SRCIN1: variants seen among roughly 807,000 people sequenced by gnomAD.
SRCIN1 encodes the protein P130Cas-associated protein.
SRCIN1 carries 50 observed loss-of-function variants against 116.2 expected under a neutral mutation model. That is an observed-to-expected ratio of 0.43 (90% CI 0.34 to 0.54). SRCIN1 has a LOEUF of 0.54. SRCIN1 is among the 20% of genes least tolerant of loss of function. SRCIN1 has a pLI of 0.02. For synonymous variants in SRCIN1, 736 were observed against 750.0 expected (o/e 0.98, Z 0.30); for missense variants, 1,446 against 1,672.0 (o/e 0.86, Z 2.36).
chr17:38,535,808 T>C (rs988656102), intron 18 of SRCIN1, among the ~76,000 whole-genome samples: 4 of 152,170 alleles, frequency 2.6e-5, no homozygotes, highest in African/African-American at 9.7e-5. Flanking sequence ...CACTGCCCAG[T>C]TCCCCCTGAT....
At position 38,563,716 on chromosome 17, in the gene SRCIN1, T is replaced by G; in HGVS notation, c.542-195A>C. ...GGCGCCAGGCCGGCTCTCCAGCCTC[T>G]CAAGGCACCCACTGGACTCCAGGCA... On this transcript the variant is annotated intron_variant, in intron 4 of 18. Coordinates refer to ENST00000617146, the MANE Select transcript of SRCIN1 (RefSeq NM_025248.3). The surrounding 1 kb of genome is among the most constrained non-coding windows in gnomAD (Gnocchi z 5.8). The G allele has an allele frequency of 2.6e-6, 2 of 775,190 alleles. No homozygotes were observed. The highest frequency in any genetic ancestry group is 1.5e-5 in the South Asian group (1 of 67,954). 48.0% of individuals were successfully genotyped at this position (775,190 alleles called of 1,614,324 possible).
chr17:38,560,946 C>T (rs180868628), intron 7 of SRCIN1, among the ~76,000 whole-genome samples: 16 of 152,360 alleles, frequency 1.1e-4, no homozygotes, highest in Admixed American at 3.3e-4. Context: ...CTGGTTACCT[C>T]CTCCAGCCCT....
In SRCIN1 at chr17:38,583,646, G is replaced by A. The variant is rs1168216395; in HGVS notation, c.23-4855C>T. 1.8e-4 allele frequency among the ~76,000 whole-genome samples: 26 copies of A among 142,048 alleles called. 1 individual carries two copies. The Admixed American group carries it at 1.9e-3, about 11-fold the overall frequency. 93.2% of individuals were successfully genotyped at this position (142,048 alleles called of 152,430 possible). A position where few individuals can be genotyped will look rare whatever the true frequency, so the allele number is the denominator to read the frequency against. ...CGGCTCACTGCAACCTCTGCCACCC[G>A]GGCTCAAGCAATTCTCCTGCTTCAG... On this transcript the variant is annotated intron_variant, in intron 1 of 18. Coordinates refer to ENST00000617146, the MANE Select transcript of SRCIN1 (RefSeq NM_025248.3).
Position 38,558,232 on chromosome 17 carries a change from C to G in SRCIN1, c.2196G>C (p.Gln732His). The change falls in exon 11 of 19, where the codon CAG (glutamine) becomes CAC (histidine). Residue 732 changes from glutamine to histidine, a missense_variant. By Grantham distance (24) the Gln-to-His change is conservative (BLOSUM62 0). Around this residue, in one of 5 missense-constraint regions of SRCIN1, gnomAD observed 531 missense variants for 633.9 expected, o/e 0.84. Transcript: ENST00000617146. This position sits in a 1 kb window ranked among gnomAD's most constrained non-coding sequence, Gnocchi z 4.6. The part of the protein sequence containing the change: ...YLNDEELITQ[Q>H]LNDLEKSVEK... ...CGCCGCGGGCCCAGCCTCACTTGAG[C>G]TGCTGGGTAATAAGCTCCTCGTCGT... is the stretch of plus-strand genomic sequence containing the variant. The G allele has an allele frequency of 6.2e-7, 1 of 1,612,128 alleles. No individual in the cohort carries two copies. The highest frequency in any genetic ancestry group is 8.5e-7 in the Non-Finnish European group (1 of 1,178,926).
Position 38,602,975 on chromosome 17 carries a change from AAG to A in SRCIN1, c.22+2707_22+2708del, listed in dbSNP as rs1035555044. Reference sequence around the variant, plus strand: ...GGGGCTCAACAAACTGGGTACTTCAAAGAGCCCAGCCGCCTCCCTCCTAAGCA... The same window carrying A: ...GGGGCTCAACAAACTGGGTACTTCAAAGCCCAGCCGCCTCCCTCCTAAGCA... On this transcript the variant is annotated intron_variant, in intron 1 of 18. Coordinates refer to ENST00000617146, the MANE Select transcript of SRCIN1 (RefSeq NM_025248.3). This position sits in a 1 kb window ranked among gnomAD's most constrained non-coding sequence, Gnocchi z 4.2. 5.9e-5 allele frequency among the ~76,000 whole-genome samples: 9 copies of A among 151,932 alleles called. No individual in the cohort carries two copies. The highest frequency in any genetic ancestry group is 2.2e-4 in the African/African-American group (9 of 41,346).
chr17:38,591,634 A>T (rs879609605), intron 1 of SRCIN1, among the ~76,000 whole-genome samples: 2 of 152,292 alleles, frequency 1.3e-5, no homozygotes, highest in Non-Finnish European at 2.9e-5. Context: ...GGGCCAGAAC[A>T]TACCTTCCTT....
chr17:38,568,329 G>T lies in SRCIN1; in HGVS notation c.325-98C>A. The stretch of plus-strand genomic sequence containing the variant: ...AGAGACCCTTGGAACTCAGCACTCA[G>T]CCCTAGGACAAGGGCCCTCCACCCT... On this transcript the variant is annotated intron_variant, in intron 2 of 18. Coordinates refer to ENST00000617146, the MANE Select transcript of SRCIN1 (RefSeq NM_025248.3). The surrounding 1 kb of genome is among the most constrained non-coding windows in gnomAD (Gnocchi z 4.5). The T allele has an allele frequency of 7.9e-7, 1 of 1,262,664 alleles. No individual in the cohort carries two copies. Among genetic ancestry groups the T allele is most frequent in the Non-Finnish European group, 1.1e-6 (1 of 880,516 alleles). The allele number at this position is 1,262,664 out of a possible 1,614,324, so 78.2% of individuals were successfully genotyped here.
At chr17:38,586,431 C>T (rs916444933) in intron 1 of SRCIN1, among the ~76,000 whole-genome samples, 1 of 152,232 alleles carries the variant, frequency 6.6e-6, no homozygotes, top group African/African-American at 2.4e-5. Flanking sequence ...TATAAAGCCA[C>T]CATGGAGAAG....
chr17:38,548,117 G>A (rs957765359), intron 17 of SRCIN1, among the ~76,000 whole-genome samples: 2 of 152,176 alleles, frequency 1.3e-5, no homozygotes, highest in African/African-American at 2.4e-5. Flanking sequence ...GAACGCTTGA[G>A]TGTGGTGACT....
At position 38,585,462 on chromosome 17, in the gene SRCIN1, G is replaced by A. The variant is rs1384321729; in HGVS notation, c.23-6671C>T. Among the ~76,000 whole-genome samples the A allele has an allele frequency of 6.6e-6, 1 of 152,182 alleles. No homozygotes were observed. The highest frequency in any genetic ancestry group is 2.4e-5 in the African/African-American group (1 of 41,422). Reference sequence around the variant, plus strand: ...GGAGGTTGGAGGCCAGAGGACAAAGGTCAACCGGGACCAGATATGTATCAA... The same window carrying A: ...GGAGGTTGGAGGCCAGAGGACAAAGATCAACCGGGACCAGATATGTATCAA... On this transcript the variant is annotated intron_variant, in intron 1 of 18. Coordinates refer to ENST00000617146, the MANE Select transcript of SRCIN1 (RefSeq NM_025248.3). The surrounding 1 kb of genome is among the most constrained non-coding windows in gnomAD (Gnocchi z 4.2).
In SRCIN1 at chr17:38,558,605, G is replaced by A. The variant is rs973656444; in HGVS notation, c.2026-203C>T. On this transcript the variant is annotated intron_variant, in intron 10 of 18. Transcript: ENST00000617146. The surrounding 1 kb of genome is among the most constrained non-coding windows in gnomAD (Gnocchi z 4.6). ...CGGGATGGCGAAGGGCAGGGGCAGA[G>A]GGCTAAGTTCTGGGGAAGAACAGAG... Among the ~76,000 whole-genome samples, 9 of 152,210 alleles carry A rather than the reference G, an allele frequency of 5.9e-5. No individual in the cohort carries two copies. Among genetic ancestry groups the A allele is most frequent in the Non-Finnish European group, 1.0e-4 (7 of 68,040 alleles).
intron 17 of SRCIN1, among the ~76,000 whole-genome samples, chr17:38,546,894 G>A (rs1217060511): frequency 7.0e-6 from 1 of 142,842 alleles, no homozygotes; most frequent in African/African-American, 2.8e-5. Context: ...GCACACGGGA[G>A]GCTCTCCTTC....
Position 38,602,453 on chromosome 17 carries a change from T to G in SRCIN1, c.22+3231A>C, listed in dbSNP as rs1909104523. The G allele has an allele frequency of 6.6e-6, 1 of 152,182 alleles. No homozygotes were observed. The highest frequency in any genetic ancestry group is 2.4e-5 in the African/African-American group (1 of 41,386). The allele number at this position is 152,182 out of a possible 1,614,324, so 9.4% of individuals were successfully genotyped here. ...CCCACCCACAGCAGGCAGCCAGGAC[T>G]TGGGGGGCACAACCTGTCCCCCACC... On this transcript the variant is annotated intron_variant, in intron 1 of 18. Coordinates refer to ENST00000617146, the MANE Select transcript of SRCIN1 (RefSeq NM_025248.3). This position sits in a 1 kb window ranked among gnomAD's most constrained non-coding sequence, Gnocchi z 4.2.
At chr17:38,586,209 C>A (rs992003145) in intron 1 of SRCIN1, among the ~76,000 whole-genome samples, 1 of 152,172 alleles carries the variant, frequency 6.6e-6, no homozygotes, top group African/African-American at 2.4e-5. Flanking sequence ...TCAAGGAATG[C>A]CAGCTCCCCT....
rs2040937592 is a variant in SRCIN1, at chr17:38,532,640, C to T, written c.*657G>A. On this transcript the variant is annotated 3_prime_UTR_variant, in exon 19 of 19. Coordinates refer to ENST00000617146, the MANE Select transcript of SRCIN1 (RefSeq NM_025248.3). The surrounding 1 kb of genome is among the most constrained non-coding windows in gnomAD (Gnocchi z 4.3). ...ACCCTGAGGCCTCTCAAACTCCGGCCTCGTCTCCAGCCTGTCCGTCTCTAC... is the reference window on the plus strand; with the variant it reads ...ACCCTGAGGCCTCTCAAACTCCGGCTTCGTCTCCAGCCTGTCCGTCTCTAC... The T allele has an allele frequency of 6.6e-6, 1 of 152,328 alleles. No individual in the cohort carries two copies. The highest frequency in any genetic ancestry group is 1.9e-4 in the East Asian group (1 of 5,198). The allele number at this position is 152,328 out of a possible 1,614,324, so 9.4% of individuals were successfully genotyped here.
chr17:38,570,041 A>G (rs1031169423), intron 2 of SRCIN1, among the ~76,000 whole-genome samples: 29 of 152,138 alleles, frequency 1.9e-4, no homozygotes, highest in African/African-American at 6.8e-4. Context: ...CGGCGCACAC[A>G]TGGGCCACCC....
chr17:38,601,656 T>TCG (rs202051042), intron 1 of SRCIN1, among the ~76,000 whole-genome samples: 9,844 of 136,120 alleles, frequency 0.072, 507 homozygotes, highest in East Asian at 0.29. Context: ...ACACACACGC[T>TCG]CGCGCGCACA....
In SRCIN1 at chr17:38,561,907, G is replaced by A. The variant is rs1279810743; in HGVS notation, c.1256C>T (p.Ala419Val). The A allele has an allele frequency of 6.9e-7, 1 of 1,445,882 alleles. No individual in the cohort carries two copies. Among genetic ancestry groups the A allele is most frequent in the East Asian group, 2.8e-5 (1 of 35,240 alleles). The allele number at this position is 1,445,882 out of a possible 1,614,324, so 89.6% of individuals were successfully genotyped here. A position where few individuals can be genotyped will look rare whatever the true frequency, so the allele number is the denominator to read the frequency against. The change falls in exon 7 of 19, where the codon GCC (alanine) becomes GTC (valine). Residue 419 changes from alanine to valine, a missense_variant. This residue lies in a region of SRCIN1 where 239 missense variants were observed against 317.7 expected (regional missense o/e 0.75). Transcript: ENST00000617146. ...GTAGAGGCCGCCGGCGCCCGGGTAG[G>A]CGAACGGGTCGCCGGCGGCCGCGGC... The part of the protein sequence containing the change: ...SLAAAAGDPF[A>V]YPGAGGLYKR...
chr17:38,551,950 C>T lies in SRCIN1; in HGVS notation c.2663G>A (p.Gly888Asp). 1 of 1,614,034 alleles carries T rather than the reference C, an allele frequency of 6.2e-7. No homozygotes were observed. The change falls in exon 14 of 19, where the codon GGC (glycine) becomes GAC (aspartate). Residue 888 changes from glycine to aspartate, a missense_variant. By Grantham distance (94) the Gly-to-Asp change is moderately conservative. This residue lies in a region of SRCIN1 where 531 missense variants were observed against 633.9 expected (regional missense o/e 0.84). Transcript: ENST00000617146. ...AGTGTCCAGGCCTTTGGTGGGGTTGCCCCCCTTGGGGGTAAGAGAGGCTCC... is the reference window on the plus strand; with the variant it reads ...AGTGTCCAGGCCTTTGGTGGGGTTGTCCCCCTTGGGGGTAAGAGAGGCTCC... ...AEGASLTPKGGNPTKGLDTPG... is the reference protein window; with the variant it reads ...AEGASLTPKGDNPTKGLDTPG...
Sources: allele counts gnomAD v4.1 joint callset (sites outside exome capture counted in the v4.1 genomes callset), GRCh38; gene constraint gnomAD v4.1.1; regional missense constraint gnomAD v4.1.1; non-coding constraint Gnocchi (gnomAD v3.1); transcripts MANE v1.5; gene names NCBI Gene and HGNC (gene_info 2026-07-23, HGNC 2026-07-21).